CA14: variants seen among roughly 807,000 people sequenced by gnomAD.
CA14 encodes the protein CA-XIV.
In CA14, 44 loss-of-function variants were observed where a neutral mutation model predicts 48.8. That is an observed-to-expected ratio of 0.90 (90% confidence interval 0.71 to 1.16). The LOEUF is 1.16. Among genes scored for constraint, CA14 ranks in the 50% most tolerant of loss-of-function variants. The pLI, the probability that CA14 is intolerant of heterozygous loss-of-function variation, is 0.00. For synonymous variants in CA14, 154 were observed against 155.0 expected, an observed-to-expected ratio of 0.99 and a Z score of 0.05; for missense variants, 386 against 401.0, an observed-to-expected ratio of 0.96 and a Z score of 0.32.
intron 4 of CA14, 37 bp from the exon 5 acceptor site, chr1:150,262,486 CAG>C (rs1553848085): frequency 5.2e-6 from 8 of 1,549,780 alleles, no homozygotes; most frequent in Non-Finnish European, 7.1e-6. Context: ...GAAGGGGGTG[CAG>C]ACATTCCATG....
intron 2 of CA14, 178 bp downstream of exon 2, chr1:150,260,349 C>A: frequency 1.4e-6 from 1 of 713,612 alleles, no homozygotes; most frequent in Non-Finnish European, 2.6e-6. Context: ...CTGCTCTAAT[C>A]ATCAAATCCT....
In CA14 at chr1:150,262,812, G is replaced by A. The variant is rs781921140; in HGVS notation, c.504G>A (p.Glu168=). 1 of 1,611,850 alleles carries A rather than the reference G, an allele frequency of 6.2e-7. No homozygotes were observed. Among genetic ancestry groups the A allele is most frequent in the South Asian group, 1.1e-5 (1 of 91,026 alleles). The change falls in exon 6 of 11, where the codon GAG becomes GAA. Residue 168 remains glutamate (E), a synonymous_variant. Coordinates refer to ENST00000369111, the MANE Select transcript of CA14 (RefSeq NM_012113.3). Reference sequence around the variant, plus strand: ...CTTTCCTTCTCTTCCAGGTGGGTGAGACTAAGAATATAGCTTATGAACACA... The same window carrying A: ...CTTTCCTTCTCTTCCAGGTGGGTGAAACTAAGAATATAGCTTATGAACACA... ...AVLGILIEVG[E]TKNIAYEHIL...
intron 10 of CA14, 123 bp from the exon 11 acceptor site, chr1:150,264,470 T>C (rs1553848926): frequency 1.6e-6 from 1 of 615,226 alleles, no homozygotes. Flanking sequence ...CCCAAAGTGC[T>C]GGGATTATAG....
rs1553847462 is a variant in CA14, at chr1:150,260,150, G to A, written c.56-1G>A. 5.0e-6 allele frequency: 8 copies of A among 1,613,560 alleles called. No homozygotes were observed. Among genetic ancestry groups the A allele is most frequent in the Admixed American group, 1.7e-5 (1 of 59,986 alleles). ...GTAACCCAAACTATTCTGCCTTGCA[G>A]GTCAACACTGGACGTATGAGGGTGA... On this transcript the variant is annotated splice_acceptor_variant, in intron 1 of 10. Transcript: ENST00000369111. LOFTEE classifies it high-confidence loss of function.
rs781808142 is a variant in CA14 at position 150,263,146 on chromosome 1, CAG to C, written c.670_671del (p.Ser224CysfsTer8). On this transcript the variant is annotated frameshift_variant, in exon 7 of 11. Transcript: ENST00000369111. LOFTEE classifies it high-confidence loss of function. ...CTCGCTCACAACTCCCCCTTGCTAC[CAG>C]AGTGTGCTCTGGACAGTTTTTTATA... ...NGSLTTPPCY[Q>X]SVLWTVFYRR... 5.6e-6 allele frequency: 9 copies of C among 1,614,134 alleles called. No homozygotes were observed. The East Asian group carries it at 1.1e-4, about 20-fold the overall frequency.
Position 150,262,608 on chromosome 1 carries a change from C to T in CA14, c.483C>T (p.Gly161=), listed in dbSNP as rs1553848147. ...GGCCTCAGGGCCTGGCTGTCCTGGGCATCCTAATTGAGGTCAGTAGCCCCC... is the reference window on the plus strand; with the variant it reads ...GGCCTCAGGGCCTGGCTGTCCTGGGTATCCTAATTGAGGTCAGTAGCCCCC... ...AERPQGLAVL[G]ILIEVGETKN... is the part of the protein sequence containing the mutation. The change falls in exon 5 of 11, where the codon GGC becomes GGT. Residue 161 remains glycine, a synonymous_variant. Transcript: ENST00000369111. 1.9e-6 allele frequency: 3 copies of T among 1,612,774 alleles called. No homozygotes were observed. The highest frequency in any genetic ancestry group is 1.7e-4 in the Middle Eastern group (1 of 6,058).
rs1370985622 is a variant in CA14 at position 150,263,120 on chromosome 1, G to T, written c.641G>T (p.Gly214Val). The change falls in exon 7 of 11, where the codon GGC (glycine) becomes GTC (valine). Residue 214 changes from glycine to valine, a missense_variant. Transcript: ENST00000369111. ...CTGGGGCAGTACTTCCGCTACAATG[G>T]CTCGCTCACAACTCCCCCTTGCTAC... Reference protein sequence around the residue: ...KQLGQYFRYNGSLTTPPCYQS... With the variant: ...KQLGQYFRYNVSLTTPPCYQS... 1 of 1,613,932 alleles carries T rather than the reference G, an allele frequency of 6.2e-7. No homozygotes were observed. Among genetic ancestry groups the T allele is most frequent in the East Asian group, 2.2e-5 (1 of 44,880 alleles).
intron 1 of CA14, among the ~76,000 whole-genome samples, chr1:150,259,615 T>C (rs997309747): frequency 5.3e-5 from 8 of 152,188 alleles, no homozygotes; most frequent in African/African-American, 1.9e-4. Context: ...AAGAAGAATT[T>C]ACATATGAGT....
Position 150,261,571 on chromosome 1 carries a change from T to C in CA14, c.189T>C (p.Ala63=). The C allele has an allele frequency of 6.2e-7, 1 of 1,614,172 alleles. No homozygotes were observed. Among genetic ancestry groups the C allele is most frequent in the Non-Finnish European group, 8.5e-7 (1 of 1,180,040 alleles). ...TGACATTTGACCCTGATTTGCCTGC[T>C]CTGCAGCCCCACGGATATGACCAGC... ...DSVTFDPDLP[A]LQPHGYDQPG... The change falls in exon 3 of 11, where the codon GCT becomes GCC. Residue 63 remains alanine (A), a synonymous_variant. Transcript: ENST00000369111.
chr1:150,261,257 G>A lies in CA14; in HGVS notation c.77-202G>A, dbSNP rs1182672667. 5 of 571,204 alleles carry A rather than the reference G, an allele frequency of 8.8e-6. No individual in the cohort carries two copies. In the Admixed American group the frequency reaches 1.6e-4, roughly 18 times the overall value. The allele number at this position is 571,204 out of a possible 1,614,324, so 35.4% of individuals were successfully genotyped here. ...CATCACTGCCTCTGGGTAGGGAAGG[G>A]GAACTGCAGCATGAGACTCAACAGG... On this transcript the variant is annotated intron_variant, in intron 2 of 10. Transcript: ENST00000369111.
In CA14 at chr1:150,264,672, A is replaced by G. The variant is rs1245357958; in HGVS notation, c.*13A>G. 18 of 1,608,106 alleles carry G rather than the reference A, an allele frequency of 1.1e-5. No homozygotes were observed. The highest frequency in any genetic ancestry group is 1.5e-5 in the Non-Finnish European group (18 of 1,175,610). On this transcript the variant is annotated 3_prime_UTR_variant, in exon 11 of 11. Coordinates refer to ENST00000369111, the MANE Select transcript of CA14 (RefSeq NM_012113.3). ...GACTGAGGCATAAATTCCTTCTCAG[A>G]TACCATGGATGTGGATGACTTCCCT...
rs782785318 is a variant in CA14 at position 150,263,266 on chromosome 1, A to T, written c.721-33A>T. The T allele has an allele frequency of 5.6e-6, 9 of 1,613,864 alleles. No homozygotes were observed. In the Admixed American group the frequency reaches 1.5e-4, roughly 27 times the overall value. On this transcript the variant is annotated intron_variant, in intron 7 of 10. Coordinates refer to ENST00000369111, the MANE Select transcript of CA14 (RefSeq NM_012113.3). The stretch of plus-strand genomic sequence containing the variant: ...ACTTCAGACCCCTTCCCACTCCCCA[A>T]AGTAACACCTCTCCCACGCTTCTGC...
intron 1 of CA14, among the ~76,000 whole-genome samples, chr1:150,259,393 C>A (rs1650804744): frequency 6.6e-6 from 1 of 152,132 alleles, no homozygotes; most frequent in Non-Finnish European, 1.5e-5. Flanking sequence ...TGCACGAGAG[C>A]CTGGCATGTG....
chr1:150,263,499 G>C, intron 8 of CA14, 80 bp downstream of exon 8: 2 of 1,606,406 alleles, frequency 1.2e-6, no homozygotes, highest in Admixed American at 3.4e-5. Context: ...GGGAAGAAAA[G>C]GCTAAAAGGG....
chr1:150,262,097 C>T (rs1317532719), intron 3 of CA14, 61 bp from the exon 4 acceptor site: 1 of 1,605,924 alleles, frequency 6.2e-7, no homozygotes, highest in Non-Finnish European at 8.5e-7. Context: ...GTGGTGGCAA[C>T]CCAGGAGTGG....
At position 150,258,045 on chromosome 1, in the gene CA14, TCA is replaced by T. The variant is rs1491013564; in HGVS notation, c.-82_-81del. On this transcript the variant is annotated 5_prime_UTR_variant, in exon 1 of 11. Coordinates refer to ENST00000369111, the MANE Select transcript of CA14 (RefSeq NM_012113.3). ...CTCGCTCGCTCTCTCTCTCTCTCTCTCACTCCTCCCTCCCTCTCTCTCTGCCT... is the reference window on the plus strand; with the variant it reads ...CTCGCTCGCTCTCTCTCTCTCTCTCTCTCCTCCCTCCCTCTCTCTCTGCCT... 34 of 976,644 alleles carry T rather than the reference TCA, an allele frequency of 3.5e-5. No homozygotes were observed. In the East Asian group the frequency reaches 8.9e-4, roughly 26 times the overall value. 60.5% of individuals were successfully genotyped at this position (976,644 alleles called of 1,614,324 possible). A position where few individuals can be genotyped will look rare whatever the true frequency, so the allele number is the denominator to read the frequency against.
chr1:150,261,200 C>T (rs1444131196), intron 2 of CA14: 10 of 498,040 alleles, frequency 2.0e-5, no homozygotes, highest in Non-Finnish European at 3.2e-5. Context: ...AAAAGAGCTA[C>T]CACTCCCCAT....
chr1:150,261,573 T>C lies in CA14; in HGVS notation c.191T>C (p.Leu64Pro). ...SVTFDPDLPA[L>P]QPHGYDQPGT... ...ACATTTGACCCTGATTTGCCTGCTC[T>C]GCAGCCCCACGGATATGACCAGCCT... is the stretch of plus-strand genomic sequence containing the variant. Residue 64 changes from leucine to proline, a missense_variant, in exon 3 of 11, where the codon CTG becomes CCG. Leu to Pro is a moderately conservative substitution (Grantham distance 98). Coordinates refer to ENST00000369111, the MANE Select transcript of CA14 (RefSeq NM_012113.3). The C allele has an allele frequency of 6.8e-6, 11 of 1,614,188 alleles. No homozygotes were observed. Among genetic ancestry groups the C allele is most frequent in the Non-Finnish European group, 8.5e-6 (10 of 1,180,038 alleles).
chr1:150,262,739 G>C (rs1651166038), intron 5 of CA14, 65 bp from the exon 6 acceptor site: 4 of 1,407,870 alleles, frequency 2.8e-6, no homozygotes, highest in Non-Finnish European at 4.0e-6. Flanking sequence ...CATTTATTCT[G>C]TACATAAATT....
Sources: gnomAD v4.1 joint callset for allele counts (sites outside exome capture counted in the v4.1 genomes callset) on GRCh38, gnomAD v4.1.1 for gene constraint, MANE v1.5 for transcripts, NCBI Gene and HGNC (gene_info 2026-07-23, HGNC 2026-07-21) for gene names.